Variants in ARMCX4 observed in about 807,000 individuals in gnomAD.
ARMCX4 encodes the protein armadillo repeat-containing X-linked protein 4.
ARMCX4 carries 3 observed loss-of-function variants against 34.7 expected under a neutral mutation model. The observed-to-expected ratio is 0.09, with a 90% CI of 0.04 to 0.22. The LOEUF is 0.22. Among genes scored for constraint, ARMCX4 ranks in the 10% least tolerant of loss-of-function variants. The probability of loss-of-function intolerance (pLI) is 1.00; values close to 1 mark genes in which losing one functional copy is unlikely to be tolerated. For missense variants in ARMCX4, 1,448 were observed against 1,720.8 expected (o/e 0.84, Z 2.81); for synonymous variants, 513 against 632.8 (o/e 0.81, Z 2.84).
chrX:101,505,042 A>G (rs1480230916), exon 8 of ARMCX4: 2 of 111,875 alleles, frequency 1.8e-5, no homozygotes, highest in Non-Finnish European at 3.8e-5. Context: ...ATCCCCATCC[A>G]AAGTCATGTT....
exon 8 of ARMCX4, chrX:101,505,207 T>C (rs782399403): frequency 1.8e-5 from 2 of 109,325 alleles, no homozygotes; most frequent in Non-Finnish European, 3.8e-5. Flanking sequence ...TGTGAGGAGG[T>C]TGGTTGTTAT....
In ARMCX4 at chrX:101,490,258, C is replaced by T; in HGVS notation, c.1669C>T (p.Pro557Ser). Residue 557 changes from proline to serine, a missense_variant, in exon 6 of 6, where the codon CCA becomes TCA. Around this residue, in one of 2 missense-constraint regions of ARMCX4, gnomAD observed 1,343 missense variants for 1,540.7 expected, o/e 0.87. Transcript: ENST00000423738. ...ACAACCTCAGGCTGGGGTCAAGACC[C>T]CAGCTGAGGCCTTGCTTGATTCCAG... Reference protein sequence around the residue: ...CTQPQAGVKTPAEALLDSRVD... With the variant: ...CTQPQAGVKTSAEALLDSRVD... The T allele has an allele frequency of 1.7e-6, 2 of 1,154,618 alleles. No individual in the cohort carries two copies. The highest frequency in any genetic ancestry group is 2.3e-6 in the Non-Finnish European group (2 of 872,519).
rs1569338191 is a variant in ARMCX4 at position 101,494,036 on chromosome X, AGGCTGG to A, written c.5459_5464del (p.Gly1820_Ala1821del). On this transcript the variant is annotated inframe_deletion, in exon 6 of 6. Coordinates refer to ENST00000423738, the MANE Select transcript of ARMCX4 (RefSeq NM_001256155.3). ...GGGGCTGAGGCTGGGGCTGGGGCTGAGGCTGGGGCTGGGGCTGAGGCTGGGGCTGGG... is the reference window on the plus strand; with the variant it reads ...GGGGCTGAGGCTGGGGCTGGGGCTGAGGCTGGGGCTGAGGCTGGGGCTGGG... The A allele has an allele frequency of 4.5e-4, 106 of 237,333 alleles. No homozygotes were observed. Among genetic ancestry groups the A allele is most frequent in the Admixed American group, 7.8e-4 (7 of 9,025 alleles). 19.6% of individuals were successfully genotyped at this position (237,333 alleles called of 1,213,427 possible).
chrX:101,419,613 C>T (rs1929114871), intron 2 of ARMCX4, among the ~76,000 whole-genome samples: 1 of 111,719 alleles, frequency 9.0e-6, no homozygotes, highest in African/African-American at 3.3e-5. Flanking sequence ...TTTGAGCAAA[C>T]TTTGGACAGG....
At chrX:101,515,383 T>TTTCTTTCTTTCTTTCTTTCTTTC (rs1934699622) in intron 11 of ARMCX4, among the ~76,000 whole-genome samples, 1 of 17,861 alleles carries the variant, frequency 5.6e-5, no homozygotes, top group South Asian at 3.4e-3. Flanking sequence ...TTCTTTCTTT[T>TTTCTTTCTTTCTTTCTTTCTTTC]TCTTTCTTTC....
At position 101,479,630 on chromosome X, in the gene ARMCX4, G is replaced by A. The variant is rs185355097; in HGVS notation, c.-472-6393G>A. Among the ~76,000 whole-genome samples, 16 of 108,665 alleles carry A rather than the reference G, an allele frequency of 1.5e-4. No homozygotes were observed. In the East Asian group the frequency reaches 3.5e-3, roughly 24 times the overall value. 94.4% of individuals were successfully genotyped at this position (108,665 alleles called of 115,157 possible). A position where few individuals can be genotyped will look rare whatever the true frequency, so the allele number is the denominator to read the frequency against. On this transcript the variant is annotated intron_variant and NMD_transcript_variant, in intron 4 of 15. Transcript: ENST00000433011. ...CGAGTAGCTTGGACTACAGGTGTGCGCCACCACCCCTGGCTAATTTTTGTA... is the reference window on the plus strand; with the variant it reads ...CGAGTAGCTTGGACTACAGGTGTGCACCACCACCCCTGGCTAATTTTTGTA...
At chrX:101,523,055 T>C (rs1477089220) in intron 11 of ARMCX4, among the ~76,000 whole-genome samples, 2 of 111,480 alleles carry the variant, frequency 1.8e-5, no homozygotes, top group Non-Finnish European at 3.8e-5. Context: ...TGAAGCTACG[T>C]TCACTTAGGA....
chrX:101,455,400 AG>A (rs1169563561), intron 4 of ARMCX4, among the ~76,000 whole-genome samples: 2 of 112,045 alleles, frequency 1.8e-5, no homozygotes, highest in Non-Finnish European at 3.8e-5. Flanking sequence ...AATCTTAGTA[AG>A]GACATTAATT....
At chrX:101,484,035 G>A (rs782279660), upstream of ARMCX4, among the ~76,000 whole-genome samples, 1 of 111,978 alleles carries the variant, frequency 8.9e-6, no homozygotes, top group Non-Finnish European at 1.9e-5. Context: ...TTATTCTGAG[G>A]GGCTTGTATG....
intron 2 of ARMCX4, among the ~76,000 whole-genome samples, chrX:101,439,758 G>A (rs1462851078): frequency 8.9e-6 from 1 of 111,915 alleles, no homozygotes; most frequent in Non-Finnish European, 1.9e-5. Context: ...CTTTCTTCCA[G>A]TTGATCGAAT....
intron 8 of ARMCX4, among the ~76,000 whole-genome samples, chrX:101,508,259 T>C (rs1934501660): frequency 8.9e-6 from 1 of 112,575 alleles, no homozygotes; most frequent in Non-Finnish European, 1.9e-5. Context: ...GCTAATGTAT[T>C]AGTCCTCTTG....
intron 4 of ARMCX4, among the ~76,000 whole-genome samples, chrX:101,463,428 C>T (rs946478036): frequency 8.0e-5 from 9 of 112,101 alleles, no homozygotes; most frequent in African/African-American, 2.9e-4. Flanking sequence ...GGACTCTTGT[C>T]TTTTTTGTGT....
intron 4 of ARMCX4, among the ~76,000 whole-genome samples, chrX:101,453,906 G>A (rs1555999637): frequency 9.0e-6 from 1 of 110,898 alleles, no homozygotes; most frequent in African/African-American, 3.3e-5. Flanking sequence ...GTGCTTGATA[G>A]GGAGGAGAGA....
chrX:101,468,738 C>T (rs1372384292), intron 4 of ARMCX4, among the ~76,000 whole-genome samples: 4 of 110,956 alleles, frequency 3.6e-5, no homozygotes, highest in African/African-American at 1.3e-4. Context: ...CTCAGCCTCT[C>T]AAGTAGCTGG....
At chrX:101,471,938 C>T (rs1387662290) in intron 4 of ARMCX4, among the ~76,000 whole-genome samples, 47 of 103,263 alleles carry the variant, frequency 4.6e-4, no homozygotes, top group African/African-American at 1.6e-3. Context: ...TCACCAGCAA[C>T]GGAACAAAGC....
chrX:101,453,602 A>G (rs1450970301), intron 4 of ARMCX4, among the ~76,000 whole-genome samples: 1 of 111,207 alleles, frequency 9.0e-6, no homozygotes, highest in Non-Finnish European at 1.9e-5. Context: ...CAGTCTAAGA[A>G]TTTGTAGACA....
intron 2 of ARMCX4, among the ~76,000 whole-genome samples, chrX:101,433,106 A>G (rs1366594130): frequency 9.2e-6 from 1 of 108,201 alleles, no homozygotes; most frequent in African/African-American, 3.3e-5. Context: ...ATACATACGC[A>G]CGTATACACA....
chrX:101,428,872 C>CTTTT (rs57998955), intron 2 of ARMCX4, among the ~76,000 whole-genome samples: 11 of 66,253 alleles, frequency 1.7e-4, no homozygotes, highest in African/African-American at 4.4e-4. Flanking sequence ...ATTTCTTTTC[C>CTTTT]TTTTTTTTTT....
intron 2 of ARMCX4, among the ~76,000 whole-genome samples, chrX:101,436,487 T>C (rs1278811848): frequency 4.5e-5 from 5 of 111,144 alleles, no homozygotes; most frequent in African/African-American, 1.6e-4. Context: ...TTTTTGCACA[T>C]TGATTTTGTA....
Sources: gnomAD v4.1 joint callset for allele counts (sites outside exome capture counted in the v4.1 genomes callset) on GRCh38, gnomAD v4.1.1 for gene constraint, gnomAD v4.1.1 regional missense constraint, MANE v1.5 for transcripts, NCBI Gene and HGNC (gene_info 2026-07-23, HGNC 2026-07-21) for gene names.